Variants in FSTL5 observed in about 807,000 individuals in gnomAD.
FSTL5 encodes follistatin like 5.
Under a neutral mutation model 89.1 loss-of-function variants are expected in FSTL5, and 62 were observed. The observed-to-expected ratio is 0.70, with a 90% confidence interval of 0.57 to 0.86. FSTL5 has a LOEUF of 0.86. Among genes scored for constraint, FSTL5 ranks in the 40% least tolerant of loss-of-function variants. The probability of loss-of-function intolerance (pLI) is 0.00; values close to 1 mark genes in which losing one functional copy is unlikely to be tolerated. For missense variants in FSTL5, 1,057 were observed against 1,001.6 expected (o/e 1.06, Z -0.75); for synonymous variants, 383 against 346.2 (o/e 1.11, Z -1.18).
chr4:161,892,656 T>C (rs1303750276), intron 4 of FSTL5, among the ~76,000 whole-genome samples: 1 of 152,050 alleles, frequency 6.6e-6, no homozygotes, highest in East Asian at 1.9e-4. Context: ...ATTCAGTAAT[T>C]TCCACATCAC....
intron 1 of FSTL5, among the ~76,000 whole-genome samples, chr4:162,146,936 C>T (rs1282966071): frequency 3.3e-5 from 5 of 151,982 alleles, no homozygotes; most frequent in Admixed American, 3.3e-4. Flanking sequence ...CGCACGCCAC[C>T]ATGCCTGGGC....
intron 3 of FSTL5, among the ~76,000 whole-genome samples, chr4:161,987,621 G>A (rs1366914764): frequency 6.8e-6 from 1 of 147,082 alleles, no homozygotes; most frequent in Non-Finnish European, 1.5e-5. Flanking sequence ...TATAATAAAT[G>A]TATATAATGA....
At chr4:162,154,862 T>G (rs1438560037) in intron 1 of FSTL5, among the ~76,000 whole-genome samples, 1 of 152,094 alleles carries the variant, frequency 6.6e-6, no homozygotes, top group African/African-American at 2.4e-5. Context: ...TATAAAAGAT[T>G]TAATTAGGAA....
chr4:161,481,292 T>C (rs1729496117), intron 12 of FSTL5, 123 bp from the exon 13 acceptor site: 3 of 522,824 alleles, frequency 5.7e-6, no homozygotes, highest in East Asian at 7.0e-5. Context: ...TAAATATATA[T>C]ATATAAAGTT....
chr4:161,863,217 G>A (rs1731973233), intron 4 of FSTL5, among the ~76,000 whole-genome samples: 1 of 152,162 alleles, frequency 6.6e-6, no homozygotes, highest in South Asian at 2.1e-4. Context: ...TTAGAGATAG[G>A]CAAATGATCT....
At chr4:161,428,988 G>A (rs1231712928) in intron 15 of FSTL5, among the ~76,000 whole-genome samples, 1 of 152,110 alleles carries the variant, frequency 6.6e-6, no homozygotes, top group African/African-American at 2.4e-5. Context: ...GGCCAGGGAG[G>A]AGCCCACTGC....
At chr4:161,861,865 T>C (rs913127793) in intron 4 of FSTL5, among the ~76,000 whole-genome samples, 3 of 152,212 alleles carry the variant, frequency 2.0e-5, no homozygotes, top group African/African-American at 7.2e-5. Flanking sequence ...CATGTGTCTG[T>C]GGCTAAGAAA....
intron 6 of FSTL5, among the ~76,000 whole-genome samples, chr4:161,686,835 A>G (rs1020922577): frequency 1.3e-5 from 2 of 152,262 alleles, no homozygotes; most frequent in Middle Eastern, 3.4e-3. Context: ...TATAGATTAA[A>G]TTCCTAAAAG....
intron 4 of FSTL5, among the ~76,000 whole-genome samples, chr4:161,777,514 T>G (rs1741453801): frequency 6.6e-6 from 1 of 152,158 alleles, no homozygotes; most frequent in African/African-American, 2.4e-5. Context: ...ATGTATTTTC[T>G]TAATTCTGAC....
chr4:161,842,623 C>T (rs1731247490), intron 4 of FSTL5, among the ~76,000 whole-genome samples: 1 of 151,944 alleles, frequency 6.6e-6, no homozygotes, highest in Non-Finnish European at 1.5e-5. Context: ...AAAAAATAGT[C>T]TATTTATCTT....
chr4:161,578,776 G>T lies in FSTL5; in HGVS notation c.1015+8679C>A, dbSNP rs114399623. The stretch of plus-strand genomic sequence containing the variant: ...ATACTAGAAATACAGCAGATGTCCT[G>T]TTAGAAACCATGCAAGAGCAACCCA... On this transcript the variant is annotated intron_variant, in intron 8 of 15. Transcript: ENST00000306100. 8.6e-3 allele frequency among the ~76,000 whole-genome samples: 1,305 copies of T among 152,088 alleles called. 17 individuals carry two copies. The highest frequency in any genetic ancestry group is 0.03 in the African/African-American group (1,228 of 41,522).
chr4:161,754,494 C>A (rs1186369219), intron 6 of FSTL5, among the ~76,000 whole-genome samples: 2 of 152,048 alleles, frequency 1.3e-5, no homozygotes, highest in Admixed American at 6.6e-5. Flanking sequence ...AGTTCATAAT[C>A]CTCATAAAAT....
At chr4:162,062,127 G>T (rs1738736951) in intron 2 of FSTL5, among the ~76,000 whole-genome samples, 1 of 151,500 alleles carries the variant, frequency 6.6e-6, no homozygotes, top group Non-Finnish European at 1.5e-5. Context: ...TATATTATAT[G>T]ACAATAATTT....
chr4:161,615,838 G>A (rs1341353759), intron 7 of FSTL5, among the ~76,000 whole-genome samples: 1 of 151,968 alleles, frequency 6.6e-6, no homozygotes, highest in African/African-American at 2.4e-5. Context: ...TTATATTTCT[G>A]ACACTATCAA....
At chr4:161,760,563 TAC>T (rs747718984) in intron 5 of FSTL5, among the ~76,000 whole-genome samples, 1 of 152,058 alleles carries the variant, frequency 6.6e-6, no homozygotes, top group South Asian at 2.1e-4. Flanking sequence ...TGTGAAGATT[TAC>T]ACACACACAC....
At chr4:161,670,333 TATAAG>T (rs1482047229) in intron 6 of FSTL5, among the ~76,000 whole-genome samples, 3 of 152,148 alleles carry the variant, frequency 2.0e-5, no homozygotes, top group Non-Finnish European at 4.4e-5. Flanking sequence ...CTATTACAGA[TATAAG>T]AGAAGAATAT....
chr4:161,749,909 A>G (rs1740337520), intron 6 of FSTL5, among the ~76,000 whole-genome samples: 1 of 152,016 alleles, frequency 6.6e-6, no homozygotes, highest in African/African-American at 2.4e-5. Context: ...TATTTGGTAA[A>G]ATCTTCCCTT....
chr4:161,756,063 T>C (rs1740557454), intron 6 of FSTL5, among the ~76,000 whole-genome samples: 1 of 152,188 alleles, frequency 6.6e-6, no homozygotes, highest in East Asian at 1.9e-4. Context: ...ATTATATAGC[T>C]TGACGCCTAG....
intron 1 of FSTL5, among the ~76,000 whole-genome samples, chr4:162,137,350 G>C (rs1732560324): frequency 6.6e-6 from 1 of 152,064 alleles, no homozygotes; most frequent in African/African-American, 2.4e-5. Flanking sequence ...CATCCAATAT[G>C]CCAGGACCTG....
Sources: allele counts gnomAD v4.1 joint callset (sites outside exome capture counted in the v4.1 genomes callset), GRCh38; gene constraint gnomAD v4.1.1; transcripts MANE v1.5; gene names NCBI Gene and HGNC (gene_info 2026-07-23, HGNC 2026-07-21).